Variants in PGLYRP4 observed in about 807,000 individuals in gnomAD.
PGLYRP4 encodes the protein peptidoglycan recognition protein 4, also known as PGRP-I-beta.
Under a neutral mutation model 41.2 loss-of-function variants are expected in PGLYRP4, and 39 were observed. The observed-to-expected ratio is 0.95, with a 90% CI of 0.73 to 1.24. PGLYRP4 has a LOEUF of 1.24. Ranked by LOEUF, PGLYRP4 falls within the 50% of genes most tolerant of loss-of-function variation. The probability of loss-of-function intolerance (pLI) is 0.00; values close to 1 mark genes in which losing one functional copy is unlikely to be tolerated. For synonymous variants in PGLYRP4, 202 were observed against 186.8 expected (o/e 1.08, Z -0.66); for missense variants, 467 against 460.7 (o/e 1.01, Z -0.13).
chr1:153,333,510 C>T (rs1054766547), intron 8 of PGLYRP4, among the ~76,000 whole-genome samples: 1 of 151,972 alleles, frequency 6.6e-6, no homozygotes, highest in African/African-American at 2.4e-5. Context: ...GGAAGAATAC[C>T]AACCCTACTA....
intron 2 of PGLYRP4, among the ~76,000 whole-genome samples, chr1:153,347,033 A>G (rs1030970270): frequency 6.6e-6 from 1 of 152,128 alleles, no homozygotes; most frequent in Non-Finnish European, 1.5e-5. Flanking sequence ...TCTCCTTAAG[A>G]GAGAGTAGGT....
intron 8 of PGLYRP4, among the ~76,000 whole-genome samples, chr1:153,335,177 A>G (rs562399781): frequency 9.1e-5 from 2 of 21,894 alleles, no homozygotes; most frequent in East Asian, 1.7e-3. Flanking sequence ...AAATGCAACA[A>G]AAACAAAAAA....
At chr1:153,337,949 A>G (rs933413933) in intron 7 of PGLYRP4, among the ~76,000 whole-genome samples, 1 of 151,790 alleles carries the variant, frequency 6.6e-6, no homozygotes, top group African/African-American at 2.4e-5. Context: ...CTCTCCCTCC[A>G]CACCTCATCT....
In PGLYRP4 at chr1:153,340,551, C is replaced by T; in HGVS notation, c.654G>A (p.Val218=). ...GACAGTGGGTCTCCCTGGCTCCCCACACAGACCGTGGGACAACGCCGGGGC... is the reference window on the plus strand; with the variant it reads ...GACAGTGGGTCTCCCTGGCTCCCCATACAGACCGTGGGACAACGCCGGGGC... The part of the protein sequence containing the change: ...KACPGVVPRS[V]WGARETHCPR... The change falls in exon 7 of 9, where the codon GTG becomes GTA. Residue 218 remains valine (V), a synonymous_variant. Transcript: ENST00000359650. The T allele has an allele frequency of 6.2e-7, 1 of 1,614,110 alleles. No homozygotes were observed. The highest frequency in any genetic ancestry group is 8.5e-7 in the Non-Finnish European group (1 of 1,180,028).
chr1:153,330,772 G>A lies in PGLYRP4; in HGVS notation c.1117C>T (p.His373Tyr). ...NIISTWPHFKH is the reference protein window; with the variant it reads ...NIISTWPHFKY ...AGAAGGACCTGGGGCTTCTCTCAGT[G>A]TTTGAAATGAGGCCAGGTGCTGATG... Residue 373 changes from histidine (H) to tyrosine (Y), a missense_variant, in exon 9 of 9, where the codon CAC (histidine) becomes TAC (tyrosine). By Grantham distance (83) the His-to-Tyr change is moderately conservative. Transcript: ENST00000359650. 1.2e-6 allele frequency: 2 copies of A among 1,612,956 alleles called. No homozygotes were observed. Among genetic ancestry groups the A allele is most frequent in the South Asian group, 1.1e-5 (1 of 91,056 alleles).
chr1:153,340,168 A>G (rs2771122), intron 7 of PGLYRP4, among the ~76,000 whole-genome samples: 141,212 of 152,250 alleles, frequency 0.93, 65,558 homozygotes, highest in African/African-American at 0.98. Context: ...GTAGGTACAC[A>G]TCTTGAGAAC....
At chr1:153,347,759 T>A in intron 2 of PGLYRP4, 125 bp downstream of exon 2, 2 of 717,918 alleles carry the variant, frequency 2.8e-6, no homozygotes, top group Non-Finnish European at 5.0e-6. Flanking sequence ...AGTGGTGGGA[T>A]CTCGGCTCAC....
At chr1:153,334,171 A>T (rs1382401249) in intron 8 of PGLYRP4, among the ~76,000 whole-genome samples, 1 of 151,892 alleles carries the variant, frequency 6.6e-6, no homozygotes, top group Admixed American at 6.6e-5. Context: ...CCTTCAAAAG[A>T]CTCCTATATT....
At chr1:153,334,252 A>G (rs1038023417) in intron 8 of PGLYRP4, among the ~76,000 whole-genome samples, 8 of 122,118 alleles carry the variant, frequency 6.6e-5, no homozygotes, top group African/African-American at 2.3e-4. Flanking sequence ...CTATACACCA[A>G]TAACAATCAG....
chr1:153,345,501 G>A (rs1660971903), intron 3 of PGLYRP4, 119 bp from the exon 4 acceptor site: 11 of 812,816 alleles, frequency 1.4e-5, no homozygotes, highest in Non-Finnish European at 2.3e-5. Context: ...GCAGGCAGGT[G>A]CACCTGCCCT....
At chr1:153,331,655 G>GA in intron 8 of PGLYRP4, 1 of 121,708 alleles carries the variant, frequency 8.2e-6, no homozygotes, top group South Asian at 2.3e-4. Flanking sequence ...ATTAAAATTG[G>GA]AATGATACAG....
At chr1:153,335,657 G>A (rs571391261) in intron 8 of PGLYRP4, among the ~76,000 whole-genome samples, 16 of 150,188 alleles carry the variant, frequency 1.1e-4, no homozygotes, top group East Asian at 5.8e-4. Flanking sequence ...CCCGGGTGGC[G>A]GAGGTTGCAG....
chr1:153,339,608 T>C (rs933795852), intron 7 of PGLYRP4, among the ~76,000 whole-genome samples: 1 of 152,228 alleles, frequency 6.6e-6, no homozygotes, highest in African/African-American at 2.4e-5. Context: ...GGATGTCTTA[T>C]CTGCAAACTC....
chr1:153,345,528 C>A, intron 3 of PGLYRP4, 146 bp from the exon 4 acceptor site: 1 of 665,226 alleles, frequency 1.5e-6, no homozygotes, highest in East Asian at 2.7e-5. Flanking sequence ...CTCTACATAC[C>A]CATCTCTCCA....
chr1:153,336,181 G>A (rs1315051265), intron 8 of PGLYRP4, among the ~76,000 whole-genome samples: 2 of 151,726 alleles, frequency 1.3e-5, no homozygotes, highest in African/African-American at 4.8e-5. Flanking sequence ...GACAAGTCTG[G>A]CCAACATGAT....
intron 1 of PGLYRP4, 108 bp from the exon 2 acceptor site, chr1:153,348,086 C>G: frequency 1.6e-6 from 1 of 640,088 alleles, no homozygotes; most frequent in Non-Finnish European, 2.8e-6. Context: ...CCTGTGGCCT[C>G]CTGAGGGCCA....
chr1:153,336,541 G>C (rs1406620321), intron 8 of PGLYRP4, among the ~76,000 whole-genome samples: 2 of 151,998 alleles, frequency 1.3e-5, no homozygotes, highest in Non-Finnish European at 2.9e-5. Flanking sequence ...GGTACATATT[G>C]GCACACAGAG....
chr1:153,335,989 G>A (rs148313997), intron 8 of PGLYRP4, among the ~76,000 whole-genome samples: 1 of 152,084 alleles, frequency 6.6e-6, no homozygotes, highest in African/African-American at 2.4e-5. Flanking sequence ...CAAAGGCGTT[G>A]AATCACTTCA....
chr1:153,332,019 GCTGA>G (rs1660358936), intron 8 of PGLYRP4, among the ~76,000 whole-genome samples: 1 of 152,004 alleles, frequency 6.6e-6, no homozygotes, highest in South Asian at 2.1e-4. Context: ...AAAAATATAG[GCTGA>G]CTAATGAATA....
Sources: gnomAD v4.1 joint callset for allele counts (sites outside exome capture counted in the v4.1 genomes callset) on GRCh38, gnomAD v4.1.1 for gene constraint, MANE v1.5 for transcripts, NCBI Gene and HGNC (gene_info 2026-07-23, HGNC 2026-07-21) for gene names.